Variants in PLXNC1 observed in about 807,000 individuals in gnomAD.
PLXNC1 encodes the protein plexin-C1.
A neutral mutation model predicts 178.2 loss-of-function variants in PLXNC1; 75 were observed. That is an observed-to-expected ratio of 0.42 (90% CI 0.35 to 0.51). PLXNC1 has a LOEUF of 0.51. Ranked by LOEUF, PLXNC1 falls within the 20% of genes least tolerant of loss-of-function variation. The pLI is 0.02. For synonymous variants in PLXNC1, 790 were observed against 779.9 expected (o/e 1.01, Z -0.22); for missense variants, 1,503 against 1,984.4 (o/e 0.76, Z 4.61).
intron 15 of PLXNC1, among the ~76,000 whole-genome samples, chr12:94,253,740 C>T (rs1436982395): frequency 6.6e-6 from 1 of 151,466 alleles, no homozygotes; most frequent in Non-Finnish European, 1.5e-5. Context: ...GTGGCACGAT[C>T]ACGGCTCACT....
At chr12:94,253,395 T>C (rs1001074427) in intron 15 of PLXNC1, among the ~76,000 whole-genome samples, 18 of 152,266 alleles carry the variant, frequency 1.2e-4, no homozygotes, top group African/African-American at 4.3e-4. Flanking sequence ...GTTATGTTGC[T>C]GATAACTGTG....
chr12:94,177,809 C>T (rs779047436), intron 2 of PLXNC1, among the ~76,000 whole-genome samples: 71 of 152,168 alleles, frequency 4.7e-4, no homozygotes, highest in Non-Finnish European at 1.3e-4. Flanking sequence ...TCCTAATTTA[C>T]GTAAAATGGA....
chr12:94,268,785 G>C (rs1243918608), intron 21 of PLXNC1, among the ~76,000 whole-genome samples: 2 of 151,888 alleles, frequency 1.3e-5, no homozygotes, highest in Non-Finnish European at 2.9e-5. Flanking sequence ...AGTAGAAACG[G>C]GTTTTCGCCG....
intron 9 of PLXNC1, among the ~76,000 whole-genome samples, chr12:94,228,839 A>G (rs1018990237): frequency 1.3e-5 from 2 of 152,180 alleles, no homozygotes; most frequent in Non-Finnish European, 2.9e-5. Context: ...CATTTTAGCT[A>G]TGATGAATAA....
chr12:94,258,826 T>C (rs1411565252), intron 17 of PLXNC1, among the ~76,000 whole-genome samples: 1 of 152,256 alleles, frequency 6.6e-6, no homozygotes, highest in Non-Finnish European at 1.5e-5. Context: ...GACCAGTATG[T>C]GATTAAAACC....
At chr12:94,165,672 C>T (rs1055450364) in intron 1 of PLXNC1, among the ~76,000 whole-genome samples, 2 of 149,876 alleles carry the variant, frequency 1.3e-5, no homozygotes, top group African/African-American at 4.8e-5. Context: ...CCAACAGTGG[C>T]TTAAACCATG....
chr12:94,181,641 A>T (rs771929986), intron 3 of PLXNC1, 61 bp downstream of exon 3: 2 of 1,373,606 alleles, frequency 1.5e-6, no homozygotes, highest in Admixed American at 1.8e-5. Context: ...AATTGATGTC[A>T]TTATCTAGTA....
intron 4 of PLXNC1, among the ~76,000 whole-genome samples, chr12:94,203,815 G>T (rs1332846220): frequency 6.6e-6 from 1 of 152,238 alleles, no homozygotes; most frequent in Non-Finnish European, 1.5e-5. Context: ...CACCTAAAAA[G>T]CGTGTGTTGG....
chr12:94,299,702 C>T (rs540453740), intron 27 of PLXNC1, among the ~76,000 whole-genome samples: 79 of 152,172 alleles, frequency 5.2e-4, no homozygotes, highest in African/African-American at 1.8e-3. Context: ...TGGAATTACA[C>T]GAGCATGCCA....
intron 20 of PLXNC1, chr12:94,262,605 T>G: frequency 1.0e-6 from 1 of 985,434 alleles, no homozygotes; most frequent in Non-Finnish European, 1.2e-6. Context: ...ATCCAGCCAG[T>G]CGGCGATACT....
intron 28 of PLXNC1, 71 bp downstream of exon 28, chr12:94,301,128 T>G (rs890070746): frequency 7.8e-6 from 11 of 1,402,580 alleles, no homozygotes; most frequent in African/African-American, 1.4e-5. Context: ...CTGATAAGCA[T>G]TCAAATAATA....
Position 94,259,310 on chromosome 12 carries a change from A to G in PLXNC1, c.3088-27A>G, listed in dbSNP as rs1964933764. 7 of 1,546,726 alleles carry G rather than the reference A, an allele frequency of 4.5e-6. No homozygotes were observed. The Admixed American group carries it at 5.6e-5, about 12-fold the overall frequency. On this transcript the variant is annotated intron_variant, in intron 17 of 30. Transcript: ENST00000258526. ...TCTTCATTTCCTTTGGATGTTATGA[A>G]TAATAAAAGTGTCTCCTTCCTCTCA...
intron 14 of PLXNC1, among the ~76,000 whole-genome samples, chr12:94,248,695 A>C (rs1032915687): frequency 6.6e-6 from 1 of 152,204 alleles, no homozygotes; most frequent in Non-Finnish European, 1.5e-5. Flanking sequence ...ATACAGTAGG[A>C]TCGGCAAGCA....
chr12:94,185,768 A>G (rs1962486328), intron 3 of PLXNC1, among the ~76,000 whole-genome samples: 1 of 152,214 alleles, frequency 6.6e-6, no homozygotes, highest in East Asian at 1.9e-4. Flanking sequence ...ATTGAGTGCC[A>G]AACTCCTGCT....
rs375624652 is a variant in PLXNC1 at position 94,200,248 on chromosome 12, A to AT, written c.1440-9335dup. 4.4e-3 allele frequency among the ~76,000 whole-genome samples: 664 copies of AT among 152,256 alleles called. 6 individuals carry two copies. Among genetic ancestry groups the AT allele is most frequent in the African/African-American group, 0.015 (633 of 41,554 alleles). ...GTAAATATATGTTGTAATGGAATAG[A>AT]TTTTTTTGAAATGACCTTATCTCAG... is the stretch of plus-strand genomic sequence containing the variant. On this transcript the variant is annotated intron_variant, in intron 4 of 30. Coordinates refer to ENST00000258526, the MANE Select transcript of PLXNC1 (RefSeq NM_005761.3).
chr12:94,168,133 G>A (rs917889577), intron 1 of PLXNC1: 1 of 152,210 alleles, frequency 6.6e-6, no homozygotes, highest in African/African-American at 2.4e-5. Context: ...AGGAGTTGCT[G>A]TGTTGCTTAC....
At chr12:94,191,452 A>G (rs1444936749) in intron 4 of PLXNC1, among the ~76,000 whole-genome samples, 1 of 152,200 alleles carries the variant, frequency 6.6e-6, no homozygotes. Flanking sequence ...GGGAGAGGCA[A>G]GAAAACTATC....
intron 2 of PLXNC1, among the ~76,000 whole-genome samples, chr12:94,171,943 C>T (rs1961860827): frequency 6.6e-6 from 1 of 152,208 alleles, no homozygotes; most frequent in African/African-American, 2.4e-5. Context: ...ATGCCCAAGC[C>T]TCTCCCCTGT....
At chr12:94,204,197 G>A (rs1397385715) in intron 4 of PLXNC1, among the ~76,000 whole-genome samples, 1 of 152,144 alleles carries the variant, frequency 6.6e-6, no homozygotes, top group Admixed American at 6.5e-5. Flanking sequence ...ATTCTGAGAG[G>A]CAATATAGGT....
Sources: gnomAD v4.1 joint callset for allele counts (sites outside exome capture counted in the v4.1 genomes callset) on GRCh38, gnomAD v4.1.1 for gene constraint, MANE v1.5 for transcripts, NCBI Gene and HGNC (gene_info 2026-07-23, HGNC 2026-07-21) for gene names.